LYPLAL1: variants seen among roughly 807,000 people sequenced by gnomAD.
LYPLAL1 encodes the protein lysophospholipase-like protein 1.
Under a neutral mutation model 19.7 loss-of-function variants are expected in LYPLAL1, and 23 were observed. The observed-to-expected ratio is 1.17, with a 90% CI of 0.84 to 1.65. The LOEUF (loss-of-function observed/expected upper bound fraction) is 1.65. LYPLAL1 is among the 40% of genes most tolerant of loss of function. The pLI is 0.00. For missense variants in LYPLAL1, 355 were observed against 279.4 expected (o/e 1.27, Z -1.93); for synonymous variants, 119 against 96.3 (o/e 1.24, Z -1.38).
At chr1:219,266,176 A>G in the LYPLAL1 span, among the ~76,000 whole-genome samples, 3 of 152,062 alleles carry the variant, frequency 2.0e-5, no homozygotes, top group Admixed American at 1.3e-4. Flanking sequence ...TTTTGTAATG[A>G]CATTTAGTTA....
Position 219,212,587 on chromosome 1 carries a change from CTAATTT to C in LYPLAL1, c.*862_*867del, listed in dbSNP as rs1341305611. The C allele has an allele frequency of 2.6e-5, 4 of 151,934 alleles. No individual in the cohort carries two copies. Among genetic ancestry groups the C allele is most frequent in the African/African-American group, 9.7e-5 (4 of 41,396 alleles). The allele number at this position is 151,934 out of a possible 1,614,324, so 9.4% of individuals were successfully genotyped here. On this transcript the variant is annotated 3_prime_UTR_variant, in exon 5 of 5. Coordinates refer to ENST00000366928, the MANE Select transcript of LYPLAL1 (RefSeq NM_138794.5). ...TAGTTGGTTCTCATGCATACATAAT[CTAATTT>C]TATTTGATCCTCACAACTGTTTAAG...
At chr1:219,306,849 T>TAGACAGACAGACAGACAGAC in the LYPLAL1 span, among the ~76,000 whole-genome samples, 2 of 135,304 alleles carry the variant, frequency 1.5e-5, no homozygotes, top group African/African-American at 2.8e-5. Context: ...GATAGATAGA[T>TAGACAGACAGACAGACAGAC]AGACAGACAG....
chr1:219,186,900 CCT>C (rs1336286789), intron 2 of LYPLAL1, among the ~76,000 whole-genome samples: 2 of 151,640 alleles, frequency 1.3e-5, no homozygotes, highest in African/African-American at 4.8e-5. Flanking sequence ...GCTTTTCATT[CCT>C]CTGTTTCCCT....
At chr1:219,378,287 T>C in the LYPLAL1 span, among the ~76,000 whole-genome samples, 10 of 149,066 alleles carry the variant, frequency 6.7e-5, no homozygotes, top group Non-Finnish European at 1.5e-4. Flanking sequence ...GCTACAGTCA[T>C]GGCAGAAGGG....
chr1:219,410,769 C>T, the LYPLAL1 span, among the ~76,000 whole-genome samples: 1 of 152,224 alleles, frequency 6.6e-6, no homozygotes, highest in African/African-American at 2.4e-5. Flanking sequence ...CTGCTGGCCC[C>T]GGGCAATGGG....
the LYPLAL1 span, among the ~76,000 whole-genome samples, chr1:219,328,458 C>A: frequency 6.6e-6 from 1 of 152,168 alleles, no homozygotes; most frequent in Admixed American, 6.5e-5. Context: ...TTGTGCCCAC[C>A]ATTATCCTAC....
the LYPLAL1 span, among the ~76,000 whole-genome samples, chr1:219,445,420 G>A: frequency 2.4e-4 from 23 of 96,510 alleles, no homozygotes; most frequent in Non-Finnish European, 3.8e-4. Context: ...GGGGGGGGGC[G>A]GTGGGGGGAA....
At chr1:219,310,853 T>C in the LYPLAL1 span, among the ~76,000 whole-genome samples, 1 of 152,228 alleles carries the variant, frequency 6.6e-6, no homozygotes. Flanking sequence ...TTCTCTATCT[T>C]CTCTTGGAAA....
chr1:219,285,239 A>G, the LYPLAL1 span, among the ~76,000 whole-genome samples: 50 of 152,342 alleles, frequency 3.3e-4, no homozygotes, highest in African/African-American at 1.1e-3. Flanking sequence ...CGAAATCAGA[A>G]TTAAAGTAAA....
the LYPLAL1 span, among the ~76,000 whole-genome samples, chr1:219,344,720 A>G: frequency 6.6e-6 from 1 of 152,154 alleles, no homozygotes; most frequent in Non-Finnish European, 1.5e-5. Context: ...TAATGGTTAA[A>G]TAGTTTCTAT....
At chr1:219,190,082 G>A (rs1022937409) in intron 2 of LYPLAL1, among the ~76,000 whole-genome samples, 1 of 151,484 alleles carries the variant, frequency 6.6e-6, no homozygotes, top group Non-Finnish European at 1.5e-5. Flanking sequence ...GAGATTAGTG[G>A]AACAAAATAG....
At chr1:219,326,206 G>A in the LYPLAL1 span, among the ~76,000 whole-genome samples, 1 of 146,678 alleles carries the variant, frequency 6.8e-6, no homozygotes, top group African/African-American at 2.5e-5. Flanking sequence ...GAGCCACCAC[G>A]CCCAGCCTTA....
the LYPLAL1 span, among the ~76,000 whole-genome samples, chr1:219,280,241 T>C: frequency 2.0e-5 from 3 of 152,248 alleles, no homozygotes; most frequent in African/African-American, 7.2e-5. Flanking sequence ...CTAAGCCTCA[T>C]GTCCACTTGT....
the LYPLAL1 span, among the ~76,000 whole-genome samples, chr1:219,281,022 C>T: frequency 2.0e-5 from 3 of 152,142 alleles, no homozygotes. Context: ...GCATTCCAGC[C>T]TGGGTGACAA....
the LYPLAL1 span, among the ~76,000 whole-genome samples, chr1:219,282,058 T>C: frequency 6.6e-6 from 1 of 151,956 alleles, no homozygotes; most frequent in Non-Finnish European, 1.5e-5. Flanking sequence ...AACAAACAAC[T>C]AGACACAGAG....
chr1:219,179,175 G>C lies in LYPLAL1; in HGVS notation c.120G>C (p.Trp40Cys). The C allele has an allele frequency of 1.2e-6, 2 of 1,612,190 alleles. No homozygotes were observed. Among genetic ancestry groups the C allele is most frequent in the Non-Finnish European group, 1.7e-6 (2 of 1,179,214 alleles). ...ATTCTGGACAAGGATTAAGAATGTG[G>C]ATCAAGCAGGTTTTAAATCAAGATT... ...SGDSGQGLRM[W>C]IKQVLNQDLT... The change falls in exon 2 of 5, where the codon TGG (tryptophan) becomes TGC (cysteine). Residue 40 changes from tryptophan to cysteine, a missense_variant. Trp to Cys is a radical substitution (Grantham distance 215). Transcript: ENST00000366928.
At chr1:219,400,470 CCTAT>C in the LYPLAL1 span, among the ~76,000 whole-genome samples, 63 of 151,848 alleles carry the variant, frequency 4.1e-4, no homozygotes, top group African/African-American at 1.4e-3. Flanking sequence ...AGCTGTGTGC[CCTAT>C]CTATCTATCT....
At chr1:219,241,130 C>CTATATATATATA in the LYPLAL1 span, among the ~76,000 whole-genome samples, 10 of 71,100 alleles carry the variant, frequency 1.4e-4, no homozygotes, top group East Asian at 4.2e-4. Flanking sequence ...CTCTCTCTCT[C>CTATATATATATA]TCTCTATATA....
the LYPLAL1 span, among the ~76,000 whole-genome samples, chr1:219,266,132 T>G: frequency 3.1e-3 from 465 of 152,270 alleles, no homozygotes; most frequent in African/African-American, 0.011. Flanking sequence ...TTTTTTATTT[T>G]ATAAACTTTA....
Sources: allele counts gnomAD v4.1 joint callset (sites outside exome capture counted in the v4.1 genomes callset), GRCh38; gene constraint gnomAD v4.1.1; transcripts MANE v1.5; gene names NCBI Gene and HGNC (gene_info 2026-07-23, HGNC 2026-07-21).